TMPRSS12: variants seen among roughly 807,000 people sequenced by gnomAD.
TMPRSS12 encodes the protein transmembrane serine protease 12.
In TMPRSS12, 25 loss-of-function variants were observed where a neutral mutation model predicts 26.0. That is an observed-to-expected ratio of 0.96 (90% CI 0.70 to 1.34). TMPRSS12 has a LOEUF of 1.34. TMPRSS12 is among the 40% of genes most tolerant of loss of function. The probability of loss-of-function intolerance (pLI) is 0.00; values close to 1 mark genes in which losing one functional copy is unlikely to be tolerated. For synonymous variants in TMPRSS12, 150 were observed against 161.7 expected, an observed-to-expected ratio of 0.93 and a Z score of 0.55; for missense variants, 441 against 440.1, an observed-to-expected ratio of 1.00 and a Z score of -0.02.
chr12:50,846,841 A>G (rs759370801), intron 2 of TMPRSS12, among the ~76,000 whole-genome samples: 2 of 151,930 alleles, frequency 1.3e-5, no homozygotes, highest in Non-Finnish European at 2.9e-5. Context: ...TGGCCTCCCA[A>G]AGTGGTAACT....
chr12:50,845,756 A>T (rs1254825396), intron 2 of TMPRSS12, among the ~76,000 whole-genome samples: 1 of 152,200 alleles, frequency 6.6e-6, no homozygotes, highest in African/African-American at 2.4e-5. Context: ...TACATCCAGA[A>T]TATCAGTCTC....
intron 2 of TMPRSS12, among the ~76,000 whole-genome samples, chr12:50,846,780 A>G (rs373487958): frequency 3.1e-4 from 47 of 151,978 alleles, no homozygotes; most frequent in African/African-American, 1.1e-3. Flanking sequence ...GAGTTTCACT[A>G]TGTTGCCCAG....
chr12:50,846,291 T>C (rs1013809924), intron 2 of TMPRSS12, among the ~76,000 whole-genome samples: 1 of 152,218 alleles, frequency 6.6e-6, no homozygotes, highest in East Asian at 1.9e-4. Flanking sequence ...TTTAGGTCTT[T>C]GATTCATTTT....
chr12:50,876,633 T>C (rs940044666), intron 3 of TMPRSS12, among the ~76,000 whole-genome samples: 1 of 151,584 alleles, frequency 6.6e-6, no homozygotes, highest in Non-Finnish European at 1.5e-5. Flanking sequence ...CGAAACCCCG[T>C]CTCTACTAAA....
chr12:50,873,091 A>G (rs1469127615), intron 3 of TMPRSS12, among the ~76,000 whole-genome samples: 1 of 151,990 alleles, frequency 6.6e-6, no homozygotes, highest in Non-Finnish European at 1.5e-5. Flanking sequence ...TCAGGAATGG[A>G]AAACCAAACA....
chr12:50,873,198 AG>A (rs1338445913), intron 3 of TMPRSS12, among the ~76,000 whole-genome samples: 1 of 150,148 alleles, frequency 6.7e-6, no homozygotes, highest in African/African-American at 2.4e-5. Flanking sequence ...AAAGGGTGGG[AG>A]GGGGGCGAGG....
rs1592214761 is a variant in TMPRSS12, at chr12:50,843,033, C to T, written c.69C>T (p.Tyr23=). ...VGSSHLYSDH[Y]SPSGRHRLGP... is the part of the protein sequence containing the mutation. Reference sequence around the variant, plus strand: ...GCTCTCACTTATACTCAGACCACTACTCGCCCTCTGGAAGGCACAGGCTCG... The same window carrying T: ...GCTCTCACTTATACTCAGACCACTATTCGCCCTCTGGAAGGCACAGGCTCG... The change falls in exon 1 of 5, where the codon TAC becomes TAT. Residue 23 remains tyrosine (Y), a synonymous_variant. Coordinates refer to ENST00000398458, the MANE Select transcript of TMPRSS12 (RefSeq NM_182559.3). The T allele has an allele frequency of 1.2e-6, 2 of 1,606,252 alleles. No homozygotes were observed. The highest frequency in any genetic ancestry group is 1.7e-6 in the Non-Finnish European group (2 of 1,176,616).
At chr12:50,874,166 G>A (rs148856288) in intron 3 of TMPRSS12, among the ~76,000 whole-genome samples, 1,698 of 152,194 alleles carry the variant, frequency 0.011, 25 homozygotes, top group African/African-American at 0.038. Flanking sequence ...GGAAGAGATA[G>A]TTCTAATATT....
intron 3 of TMPRSS12, among the ~76,000 whole-genome samples, chr12:50,877,297 A>G (rs1382509589): frequency 6.6e-6 from 1 of 152,260 alleles, no homozygotes; most frequent in Non-Finnish European, 1.5e-5. Flanking sequence ...TAAGCTAACC[A>G]TCCTACCTAA....
chr12:50,847,219 T>C (rs138851241), intron 2 of TMPRSS12, among the ~76,000 whole-genome samples: 22,551 of 151,956 alleles, frequency 0.15, 2,889 homozygotes, highest in African/African-American at 0.35. Flanking sequence ...CCACCATGCC[T>C]GGCTAATTTT....
Position 50,859,978 on chromosome 12 carries a change from A to G in TMPRSS12, c.652+925A>G, listed in dbSNP as rs149994579. On this transcript the variant is annotated intron_variant, in intron 3 of 4. Transcript: ENST00000398458. ...TTATAGGTTCTTATAAAACACTGAAAACAACTTTTTGAGGGGTCTATTTTT... is the reference window on the plus strand; with the variant it reads ...TTATAGGTTCTTATAAAACACTGAAGACAACTTTTTGAGGGGTCTATTTTT... Among the ~76,000 whole-genome samples, 736 of 152,332 alleles carry G rather than the reference A, an allele frequency of 4.8e-3. 18 individuals are homozygous for G. Among genetic ancestry groups the G allele is most frequent in the Admixed American group, 0.045 (683 of 15,298 alleles).
chr12:50,863,403 A>G (rs546999911), intron 3 of TMPRSS12, among the ~76,000 whole-genome samples: 95 of 152,132 alleles, frequency 6.2e-4, no homozygotes, highest in Admixed American at 1.7e-3. Context: ...TTACCATATG[A>G]CCCAGCAATT....
At chr12:50,872,647 T>TGC in intron 3 of TMPRSS12, among the ~76,000 whole-genome samples, 1 of 74,788 alleles carries the variant, frequency 1.3e-5, no homozygotes, top group Non-Finnish European at 2.9e-5. Context: ...GACGTATATG[T>TGC]ACATATATGA....
At chr12:50,862,282 A>G (rs829143) in intron 3 of TMPRSS12, among the ~76,000 whole-genome samples, 104,810 of 152,094 alleles carry the variant, frequency 0.69, 36,205 homozygotes, top group Non-Finnish European at 0.7. Context: ...TACATAGGTT[A>G]AGGACTCGGT....
chr12:50,871,988 T>C (rs1035525540), intron 3 of TMPRSS12, among the ~76,000 whole-genome samples: 6 of 151,856 alleles, frequency 4.0e-5, no homozygotes, highest in Middle Eastern at 3.4e-3. Flanking sequence ...TCTACACTGC[T>C]GGTGGGAATG....
chr12:50,878,200 G>GAA (rs36087199), intron 3 of TMPRSS12, among the ~76,000 whole-genome samples: 11,970 of 139,568 alleles, frequency 0.086, 522 homozygotes, highest in South Asian at 0.16. Flanking sequence ...TTATTTTGGG[G>GAA]AAAAAAAAAA....
intron 2 of TMPRSS12, among the ~76,000 whole-genome samples, chr12:50,845,300 T>C (rs1293787372): frequency 1.3e-5 from 2 of 152,228 alleles, no homozygotes; most frequent in Admixed American, 1.3e-4. Context: ...CTTGAAATTA[T>C]CTCTTTTCTT....
At chr12:50,872,462 G>A (rs1165422966) in intron 3 of TMPRSS12, among the ~76,000 whole-genome samples, 137 of 134,210 alleles carry the variant, frequency 1.0e-3, no homozygotes, top group African/African-American at 3.4e-4. Flanking sequence ...GCAGTGAGCC[G>A]AGATTGCGCC....
intron 2 of TMPRSS12, among the ~76,000 whole-genome samples, chr12:50,855,919 G>A (rs536776368): frequency 2.0e-5 from 3 of 152,288 alleles, no homozygotes; most frequent in Non-Finnish European, 4.4e-5. Flanking sequence ...CTTGGCTGGA[G>A]CTAGAGGCCA....
Sources: allele counts gnomAD v4.1 joint callset (sites outside exome capture counted in the v4.1 genomes callset), GRCh38; gene constraint gnomAD v4.1.1; transcripts MANE v1.5; gene names NCBI Gene and HGNC (gene_info 2026-07-23, HGNC 2026-07-21).